Variants in WNT2 observed in about 807,000 individuals in gnomAD.
WNT2 encodes Wnt family member 2, also known as protein Wnt-2.
Under a neutral mutation model 36.9 loss-of-function variants are expected in WNT2, and 12 were observed. That is an observed-to-expected ratio of 0.33 (90% CI 0.21 to 0.53). WNT2 has a LOEUF of 0.53. Ranked by LOEUF, WNT2 falls within the 20% of genes least tolerant of loss-of-function variation. The pLI is 0.95. For synonymous variants in WNT2, 163 were observed against 174.6 expected, an observed-to-expected ratio of 0.93 and a Z score of 0.52; for missense variants, 379 against 473.1, an observed-to-expected ratio of 0.80 and a Z score of 1.84.
In WNT2 at chr7:117,322,788, C is replaced by T. The variant is rs1401641785; in HGVS notation, c.83+119G>A. ...CGATAAGAGGGCAGTAGCCAGGGTT[C>T]GGGCCAGAATCCGAGACTGCTGCGG... On this transcript the variant is annotated intron_variant, in intron 1 of 4. Coordinates refer to ENST00000265441, the MANE Select transcript of WNT2 (RefSeq NM_003391.3). The surrounding 1 kb of genome is among the most constrained non-coding windows in gnomAD (Gnocchi z 5.4). 6 of 967,772 alleles carry T rather than the reference C, an allele frequency of 6.2e-6. No individual in the cohort carries two copies. The highest frequency in any genetic ancestry group is 1.4e-5 in the South Asian group (1 of 73,712). 59.9% of individuals were successfully genotyped at this position (967,772 alleles called of 1,614,324 possible).
intron 3 of WNT2, among the ~76,000 whole-genome samples, chr7:117,307,848 G>C (rs1016027915): frequency 9.9e-5 from 15 of 152,162 alleles, no homozygotes; most frequent in African/African-American, 3.6e-4. Flanking sequence ...TTAACAACTT[G>C]TCTTAGAAAT....
chr7:117,316,206 C>T (rs1198645425), intron 2 of WNT2, among the ~76,000 whole-genome samples: 16 of 152,180 alleles, frequency 1.1e-4, no homozygotes, highest in Admixed American at 1.0e-3. Context: ...TATTAGAGCA[C>T]AGGCTACTTT....
intron 3 of WNT2, among the ~76,000 whole-genome samples, chr7:117,304,490 G>A (rs1450264868): frequency 6.9e-6 from 1 of 144,164 alleles, no homozygotes; most frequent in Non-Finnish European, 1.5e-5. Context: ...AGGCTGGAGT[G>A]CAATGGCGAG....
chr7:117,320,336 G>A, intron 2 of WNT2: 1 of 542,822 alleles, frequency 1.8e-6, no homozygotes, highest in South Asian at 2.1e-5. Context: ...AGAGTGAAAA[G>A]ACAACAGCCT....
Position 117,279,599 on chromosome 7 carries a change from A to C in WNT2, c.854-1215T>G, listed in dbSNP as rs113795192. On this transcript the variant is annotated intron_variant, in intron 4 of 4. Coordinates refer to ENST00000265441, the MANE Select transcript of WNT2 (RefSeq NM_003391.3). ...GCAAATATACAGTGACAGTGAAGAC[A>C]AGACATGGAAAGAAATGCTGCCCAG... 5.1e-3 allele frequency among the ~76,000 whole-genome samples: 770 copies of C among 152,306 alleles called. 4 individuals carry two copies. Among genetic ancestry groups the C allele is most frequent in the African/African-American group, 0.015 (609 of 41,582 alleles).
chr7:117,315,408 A>T lies in WNT2; in HGVS notation c.311-60T>A, dbSNP rs529063967. The T allele has an allele frequency of 7.1e-4, 1,080 of 1,512,498 alleles. 23 individuals carry two copies. The South Asian group carries it at 0.011, about 16-fold the overall frequency. 93.7% of individuals were successfully genotyped at this position (1,512,498 alleles called of 1,614,324 possible). A position where few individuals can be genotyped will look rare whatever the true frequency, so the allele number is the denominator to read the frequency against. ...GTAGCACTATTTCTGAATAACTTTCATATGACAATTGTTTAATATTTGCTC... is the reference window on the plus strand; with the variant it reads ...GTAGCACTATTTCTGAATAACTTTCTTATGACAATTGTTTAATATTTGCTC... On this transcript the variant is annotated intron_variant, in intron 2 of 4. Transcript: ENST00000265441.
chr7:117,280,852 T>C (rs538937442), intron 4 of WNT2, among the ~76,000 whole-genome samples: 2 of 152,348 alleles, frequency 1.3e-5, no homozygotes, highest in South Asian at 4.1e-4. Flanking sequence ...AGCAAGTGTT[T>C]ATTGAGTGAC....
At position 117,320,667 on chromosome 7, in the gene WNT2, G is replaced by C. The variant is rs139486726; in HGVS notation, c.210C>G (p.Ala70=). ...DVMRAISQGV[A]EWTAECQHQF... The stretch of plus-strand genomic sequence containing the variant: ...GGTGCTGGCATTCTGCTGTCCACTC[G>C]GCCACGCCCTGGCTAATGGCACGCA... Residue 70 remains alanine, a synonymous_variant, in exon 2 of 5, where the codon GCC becomes GCG. Transcript: ENST00000265441. 4 of 1,613,828 alleles carry C rather than the reference G, an allele frequency of 2.5e-6. No individual in the cohort carries two copies. Among genetic ancestry groups the C allele is most frequent in the Non-Finnish European group, 3.4e-6 (4 of 1,179,918 alleles).
chr7:117,283,766 A>T (rs1443242349), intron 4 of WNT2, among the ~76,000 whole-genome samples: 1 of 152,260 alleles, frequency 6.6e-6, no homozygotes, highest in Non-Finnish European at 1.5e-5. Context: ...GCCTCTGGCA[A>T]TATGTCTCAG....
intron 4 of WNT2, among the ~76,000 whole-genome samples, chr7:117,294,112 T>A (rs1001967497): frequency 6.6e-6 from 1 of 152,214 alleles, no homozygotes; most frequent in Admixed American, 6.5e-5. Flanking sequence ...TTACCCAGGC[T>A]GAGTTTGAAC....
At position 117,284,800 on chromosome 7, in the gene WNT2, A is replaced by G. The variant is rs1794553294; in HGVS notation, c.854-6416T>C. Among the ~76,000 whole-genome samples the G allele has an allele frequency of 6.6e-6, 1 of 152,232 alleles. No homozygotes were observed. Among genetic ancestry groups the G allele is most frequent in the Admixed American group, 6.5e-5 (1 of 15,280 alleles). The stretch of plus-strand genomic sequence containing the variant: ...TCTAATTTAATTCTCATAAGCTTAT[A>G]AGGAAGGTACTATTATTATCACCAT... On this transcript the variant is annotated intron_variant, in intron 4 of 4. Transcript: ENST00000265441. The surrounding 1 kb of genome is among the most constrained non-coding windows in gnomAD (Gnocchi z 5.2).
At chr7:117,286,961 T>C (rs975261909) in intron 4 of WNT2, among the ~76,000 whole-genome samples, 13 of 152,380 alleles carry the variant, frequency 8.5e-5, no homozygotes, top group Admixed American at 3.3e-4. Context: ...TATTTCCCAC[T>C]GTAGTCCACC....
At chr7:117,313,179 G>C (rs1004752116) in intron 3 of WNT2, among the ~76,000 whole-genome samples, 44 of 152,306 alleles carry the variant, frequency 2.9e-4, no homozygotes, top group African/African-American at 9.6e-4. Flanking sequence ...TAGTACAAAG[G>C]GGGAGTAGAG....
At chr7:117,316,351 T>C (rs1300801945) in intron 2 of WNT2, among the ~76,000 whole-genome samples, 2 of 152,226 alleles carry the variant, frequency 1.3e-5, no homozygotes, top group African/African-American at 4.8e-5. Context: ...GTGCACCTCA[T>C]TTTTCAAGTG....
chr7:117,279,628 C>T (rs78424026), intron 4 of WNT2, among the ~76,000 whole-genome samples: 1 of 152,258 alleles, frequency 6.6e-6, no homozygotes, highest in African/African-American at 2.4e-5. Context: ...TGCCCAGATC[C>T]TGGACTATTT....
At chr7:117,281,455 C>G (rs140109676) in intron 4 of WNT2, among the ~76,000 whole-genome samples, 44 of 152,218 alleles carry the variant, frequency 2.9e-4, no homozygotes, top group Non-Finnish European at 5.4e-4. Flanking sequence ...CCAGGCTGGT[C>G]TCAAACTCCT....
chr7:117,304,678 C>T (rs1441222869), intron 3 of WNT2, among the ~76,000 whole-genome samples: 1 of 152,182 alleles, frequency 6.6e-6, no homozygotes, highest in Non-Finnish European at 1.5e-5. Context: ...TCAGATGATC[C>T]ACCCGCCTTG....
chr7:117,287,591 G>A (rs577908317), intron 4 of WNT2, among the ~76,000 whole-genome samples: 2 of 152,256 alleles, frequency 1.3e-5, no homozygotes, highest in East Asian at 3.9e-4. Flanking sequence ...CCAGGGACAG[G>A]GGTTGGGTCT....
chr7:117,283,748 G>A (rs1359136569), intron 4 of WNT2, among the ~76,000 whole-genome samples: 3 of 152,186 alleles, frequency 2.0e-5, no homozygotes, highest in African/African-American at 7.2e-5. Context: ...TTCAGTAAAG[G>A]GAACAAAGCC....
Sources: allele counts gnomAD v4.1 joint callset (sites outside exome capture counted in the v4.1 genomes callset), GRCh38; gene constraint gnomAD v4.1.1; non-coding constraint Gnocchi (gnomAD v3.1); transcripts MANE v1.5; gene names NCBI Gene and HGNC (gene_info 2026-07-23, HGNC 2026-07-21).